Variants in OTUD7B observed in about 807,000 individuals in gnomAD.
OTUD7B encodes OTU domain-containing protein 7B.
Under a neutral mutation model 82.2 loss-of-function variants are expected in OTUD7B, and 34 were observed. The observed-to-expected ratio is 0.41, with a 90% CI of 0.31 to 0.55. The LOEUF is 0.55. Among genes scored for constraint, OTUD7B ranks in the 20% least tolerant of loss-of-function variants. The pLI, the probability that OTUD7B is intolerant of heterozygous loss-of-function variation, is 0.20. For synonymous variants in OTUD7B, 398 were observed against 402.7 expected (o/e 0.99, Z 0.14); for missense variants, 944 against 1,062.1 (o/e 0.89, Z 1.55).
the OTUD7B span, among the ~76,000 whole-genome samples, chr1:150,020,940 G>T: frequency 6.6e-6 from 1 of 152,136 alleles, no homozygotes; most frequent in African/African-American, 2.4e-5. Flanking sequence ...CCCTGTTCTG[G>T]TCTCTGCTGG....
the OTUD7B span, among the ~76,000 whole-genome samples, chr1:150,066,533 T>C: frequency 6.6e-6 from 1 of 152,234 alleles, no homozygotes; most frequent in Non-Finnish European, 1.5e-5. The surrounding 1 kb of genome is among the most constrained non-coding windows in gnomAD (Gnocchi z 4.6). Context: ...ATATATAATA[T>C]TGCATAATCT....
At chr1:150,036,183 G>A in the OTUD7B span, among the ~76,000 whole-genome samples, 2 of 151,542 alleles carry the variant, frequency 1.3e-5, no homozygotes, top group South Asian at 2.1e-4. Flanking sequence ...TGAACTCCTG[G>A]GCTGAAGCAA....
At chr1:150,019,998 T>C in the OTUD7B span, among the ~76,000 whole-genome samples, 1 of 152,150 alleles carries the variant, frequency 6.6e-6, no homozygotes, top group African/African-American at 2.4e-5. Context: ...TAGCCAGGTA[T>C]GTGCCTGCAG....
At chr1:150,051,895 A>G in the OTUD7B span, among the ~76,000 whole-genome samples, 1 of 152,248 alleles carries the variant, frequency 6.6e-6, no homozygotes, top group African/African-American at 2.4e-5. Flanking sequence ...TAAGAAAAAC[A>G]GTGATCTTGA....
chr1:149,967,541 C>A lies in OTUD7B; in HGVS notation c.275-20G>T. 1 of 1,553,516 alleles carries A rather than the reference C, an allele frequency of 6.4e-7. No individual in the cohort carries two copies. The highest frequency in any genetic ancestry group is 1.2e-5 in the South Asian group (1 of 82,288). On this transcript the variant is annotated intron_variant, in intron 3 of 11. Transcript: ENST00000581312. ...GTTTTTCTGCAATGAGAAATGGAGT[C>A]ACCTTAGAACATACACAGCCCACTT...
At position 149,943,807 on chromosome 1, in the gene OTUD7B, A is replaced by T; in HGVS notation, c.*50T>A. On this transcript the variant is annotated 3_prime_UTR_variant, in exon 12 of 12. Transcript: ENST00000581312. ...GGACTGTGTTCTTGATGAGCCAATT[A>T]GTTGAGCTTAACTTTGTTTAGCCTC... 6.5e-7 allele frequency: 1 copy of T among 1,549,572 alleles called. No individual in the cohort carries two copies. Among genetic ancestry groups the T allele is most frequent in the Non-Finnish European group, 8.9e-7 (1 of 1,128,408 alleles).
intron 3 of OTUD7B, 85 bp from the exon 4 acceptor site, chr1:149,967,606 C>T: frequency 1.3e-5 from 13 of 1,004,862 alleles, no homozygotes; most frequent in Non-Finnish European, 1.9e-5. Flanking sequence ...TACCTCTCAA[C>T]AGGGTTTACA....
At chr1:149,950,785 T>TC (rs1658825450) in intron 7 of OTUD7B, among the ~76,000 whole-genome samples, 1 of 176 alleles carries the variant, frequency 5.7e-3, no homozygotes, top group Non-Finnish European at 0.011. Context: ...CCCGTGTGTT[T>TC]TTTGTTTTTT....
chr1:149,961,359 T>G (rs1649147159), intron 6 of OTUD7B: 1 of 152,318 alleles, frequency 6.6e-6, no homozygotes, highest in Non-Finnish European at 1.5e-5. Context: ...GTTGTTGTTT[T>G]TTTGTTTGTT....
At chr1:150,028,317 C>T in the OTUD7B span, among the ~76,000 whole-genome samples, 4 of 152,082 alleles carry the variant, frequency 2.6e-5, no homozygotes, top group African/African-American at 4.8e-5. Context: ...ATAAAAGGTT[C>T]GGGATTCTCA....
intron 2 of OTUD7B, among the ~76,000 whole-genome samples, chr1:149,971,967 C>T (rs1559846497): frequency 6.6e-6 from 1 of 152,182 alleles, no homozygotes; most frequent in Non-Finnish European, 1.5e-5. Context: ...ACTGTCCTAC[C>T]TCCGATCCAT....
At chr1:150,055,580 T>G in the OTUD7B span, among the ~76,000 whole-genome samples, 8 of 152,130 alleles carry the variant, frequency 5.3e-5, no homozygotes, top group Non-Finnish European at 2.9e-5. Flanking sequence ...TAAAGACACA[T>G]GCACACGAAT....
the OTUD7B span, among the ~76,000 whole-genome samples, chr1:150,063,319 C>T: frequency 4.6e-5 from 7 of 152,048 alleles, no homozygotes; most frequent in East Asian, 1.9e-4. Flanking sequence ...AGTTTGGTGG[C>T]GGGCACCTGT....
chr1:149,980,281 C>T (rs1220986195), intron 1 of OTUD7B, among the ~76,000 whole-genome samples: 1 of 151,390 alleles, frequency 6.6e-6, no homozygotes, highest in Admixed American at 6.6e-5. Context: ...ACAGCACATT[C>T]TTACATTTGA....
chr1:150,059,053 C>T, the OTUD7B span, among the ~76,000 whole-genome samples: 1,895 of 125,266 alleles, frequency 0.015, 38 homozygotes, highest in African/African-American at 0.047. Context: ...ACTTTCTTTT[C>T]TTTTTTTTTT....
intron 10 of OTUD7B, 144 bp from the exon 11 acceptor site, chr1:149,947,479 G>C (rs782401901): frequency 5.4e-6 from 3 of 554,282 alleles, no homozygotes; most frequent in Non-Finnish European, 1.0e-5. Context: ...CAATTAATAA[G>C]CTTTATGACC....
rs188862453 is a variant in OTUD7B, at chr1:149,971,173, G to T, written c.164C>A (p.Ser55Tyr). ...GGAGCCACCACTCCCCTCACTAAAG[G>T]ATGGGGGTAGGTTTCCAGCATGGAC... The part of the protein sequence containing the change: ...RQVHAGNLPP[S>Y]FSEGSGGSRT... Residue 55 changes from serine (S) to tyrosine (Y), a missense_variant, in exon 3 of 12, where the codon TCC becomes TAC. By Grantham distance (144) the Ser-to-Tyr change is moderately radical (BLOSUM62 -2). Around this residue, in one of 3 missense-constraint regions of OTUD7B, gnomAD observed 530 missense variants for 625.6 expected, o/e 0.85. Transcript: ENST00000581312. 3.2e-5 allele frequency: 52 copies of T among 1,613,464 alleles called. 1 individual carries two copies. The East Asian group carries it at 7.4e-4, about 23-fold the overall frequency.
chr1:149,974,004 G>A lies in OTUD7B; in HGVS notation c.86-2753C>T, dbSNP rs1254891149. 4.0e-5 allele frequency among the ~76,000 whole-genome samples: 6 copies of A among 151,750 alleles called. No individual in the cohort carries two copies. The East Asian group carries it at 5.8e-4, about 15-fold the overall frequency. On this transcript the variant is annotated intron_variant, in intron 2 of 11. Coordinates refer to ENST00000581312, the MANE Select transcript of OTUD7B (RefSeq NM_020205.4). ...CCCGAGTAGCTAGGATTACAGGCAC[G>A]CGTCACCACGCCCGGCCAAGTTTTC... is the stretch of plus-strand genomic sequence containing the variant.
the OTUD7B span, among the ~76,000 whole-genome samples, chr1:150,048,778 CATAAAA>C: frequency 4.6e-5 from 7 of 151,994 alleles, no homozygotes; most frequent in African/African-American, 1.7e-4. Context: ...ATGTACAAAA[CATAAAA>C]CTCATAGATT....
Sources: gnomAD v4.1 joint callset for allele counts (sites outside exome capture counted in the v4.1 genomes callset) on GRCh38, gnomAD v4.1.1 for gene constraint, gnomAD v4.1.1 regional missense constraint, Gnocchi (gnomAD v3.1) non-coding constraint, MANE v1.5 for transcripts, NCBI Gene and HGNC (gene_info 2026-07-23, HGNC 2026-07-21) for gene names.